Variants in SDK1 observed in about 807,000 individuals in gnomAD.
SDK1 encodes the protein sidekick cell adhesion molecule 1.
Under a neutral mutation model 245.5 loss-of-function variants are expected in SDK1, and 157 were observed. The observed-to-expected ratio is 0.64, with a 90% CI of 0.56 to 0.73. SDK1 has a LOEUF of 0.73. Ranked by LOEUF, SDK1 falls within the 30% of genes least tolerant of loss-of-function variation. The pLI is 0.00. For synonymous variants in SDK1, 1,647 were observed against 1,278.5 expected, an observed-to-expected ratio of 1.29 and a Z score of -6.15; for missense variants, 3,583 against 3,002.3, an observed-to-expected ratio of 1.19 and a Z score of -4.52.
intron 1 of SDK1, among the ~76,000 whole-genome samples, chr7:3,431,370 T>TA (rs1006689672): frequency 6.6e-6 from 1 of 151,024 alleles, no homozygotes; most frequent in East Asian, 1.9e-4. Flanking sequence ...TTTTTTTTTT[T>TA]TTTTTTTTTT....
At chr7:3,528,164 C>T (rs950342830) in intron 1 of SDK1, among the ~76,000 whole-genome samples, 3 of 109,346 alleles carry the variant, frequency 2.7e-5, no homozygotes, top group African/African-American at 7.2e-5. Context: ...GGATGACAGT[C>T]AGCTAGGGGG....
Position 4,140,414 on chromosome 7 carries a change from C to G in SDK1, c.4229-5308C>G, listed in dbSNP as rs552623898. Among the ~76,000 whole-genome samples, 622 of 152,292 alleles carry G rather than the reference C, an allele frequency of 4.1e-3. 6 individuals carry two copies. Among genetic ancestry groups the G allele is most frequent in the African/African-American group, 0.014 (602 of 41,554 alleles). On this transcript the variant is annotated intron_variant, in intron 28 of 44. Coordinates refer to ENST00000404826, the MANE Select transcript of SDK1 (RefSeq NM_152744.4). ...CTCTGGAGCTGGGCCCAAGTGGGAC[C>G]CCCGGCCCCACGATGAGGGGCTGTT...
At chr7:3,501,288 G>T (rs1782203564) in intron 1 of SDK1, among the ~76,000 whole-genome samples, 1 of 151,756 alleles carries the variant, frequency 6.6e-6, no homozygotes, top group African/African-American at 2.4e-5. Context: ...TCAGTTTTCT[G>T]CTTGGCTATT....
At chr7:3,540,643 A>C (rs965117045) in intron 1 of SDK1, among the ~76,000 whole-genome samples, 1 of 152,134 alleles carries the variant, frequency 6.6e-6, no homozygotes, top group Non-Finnish European at 1.5e-5. Context: ...ATGCAGGGAG[A>C]ATGCACATTC....
intron 4 of SDK1, among the ~76,000 whole-genome samples, chr7:3,691,129 TAC>T (rs1314965319): frequency 6.6e-6 from 1 of 152,240 alleles, no homozygotes; most frequent in Non-Finnish European, 1.5e-5. Flanking sequence ...TGTAGATAAT[TAC>T]ACCAATGTTT....
At chr7:3,325,941 C>T (rs893224180) in intron 1 of SDK1, among the ~76,000 whole-genome samples, 2 of 152,060 alleles carry the variant, frequency 1.3e-5, no homozygotes, top group African/African-American at 2.4e-5. Flanking sequence ...AACCATCTCG[C>T]TTGGTTGTAT....
Position 4,193,918 on chromosome 7 carries a change from A to C in SDK1, c.5099-11961A>C, listed in dbSNP as rs1212429160. Among the ~76,000 whole-genome samples, 3 of 151,844 alleles carry C rather than the reference A, an allele frequency of 2.0e-5. No homozygotes were observed. The East Asian group carries it at 5.8e-4, about 29-fold the overall frequency. On this transcript the variant is annotated intron_variant, in intron 35 of 44. Coordinates refer to ENST00000404826, the MANE Select transcript of SDK1 (RefSeq NM_152744.4). The stretch of plus-strand genomic sequence containing the variant: ...GAGGTATTATGTATAGAGTCCCTAA[A>C]CTCCTTGCCTCTCACGAGCGGTGAA...
intron 4 of SDK1, among the ~76,000 whole-genome samples, chr7:3,756,735 G>A (rs1337637858): frequency 2.0e-5 from 3 of 152,058 alleles, no homozygotes; most frequent in Non-Finnish European, 4.4e-5. Context: ...TGACCCTTTT[G>A]AAGAGTCCTC....
At chr7:4,002,756 A>G (rs1179777927) in intron 14 of SDK1, among the ~76,000 whole-genome samples, 2 of 152,210 alleles carry the variant, frequency 1.3e-5, no homozygotes, top group Non-Finnish European at 2.9e-5. Context: ...TGGTTGGGAG[A>G]TGGATATCTG....
intron 8 of SDK1, among the ~76,000 whole-genome samples, chr7:3,960,525 C>T (rs993899286): frequency 3.9e-5 from 6 of 152,244 alleles, no homozygotes; most frequent in South Asian, 2.1e-4. Context: ...TCCGGTGCAG[C>T]GGCGTGTCAC....
intron 1 of SDK1, among the ~76,000 whole-genome samples, chr7:3,545,519 T>C (rs887614354): frequency 6.6e-6 from 1 of 152,236 alleles, no homozygotes; most frequent in Non-Finnish European, 1.5e-5. Context: ...TATCTGCGTG[T>C]ATTTTCTTTT....
chr7:3,656,373 A>T (rs1313855018), intron 4 of SDK1, among the ~76,000 whole-genome samples: 1 of 152,190 alleles, frequency 6.6e-6, no homozygotes, highest in East Asian at 1.9e-4. Context: ...TATTAGTGTC[A>T]GTGCTACTCT....
Position 3,339,483 on chromosome 7 carries a change from C to T in SDK1, c.298+37599C>T, listed in dbSNP as rs556540056. 3.3e-5 allele frequency among the ~76,000 whole-genome samples: 5 copies of T among 152,192 alleles called. No homozygotes were observed. The East Asian group carries it at 5.8e-4, about 18-fold the overall frequency. ...AATTTACCCGAAACAATAGAATACC[C>T]TACTTTTTAAGTGCCCATGGGACAT... On this transcript the variant is annotated intron_variant, in intron 1 of 44. Coordinates refer to ENST00000404826, the MANE Select transcript of SDK1 (RefSeq NM_152744.4).
At chr7:3,492,139 G>T (rs1583943044) in intron 1 of SDK1, among the ~76,000 whole-genome samples, 1 of 152,350 alleles carries the variant, frequency 6.6e-6, no homozygotes, top group Non-Finnish European at 1.5e-5. Flanking sequence ...CACTTAGGAT[G>T]CTAGGGAACT....
At chr7:3,918,926 A>T (rs1779488018) in intron 5 of SDK1, among the ~76,000 whole-genome samples, 1 of 152,216 alleles carries the variant, frequency 6.6e-6, no homozygotes, top group Non-Finnish European at 1.5e-5. Flanking sequence ...ACTGCTTTTC[A>T]GATTGATGTG....
At chr7:4,009,546 C>T (rs1785771123) in intron 14 of SDK1, among the ~76,000 whole-genome samples, 1 of 152,234 alleles carries the variant, frequency 6.6e-6, no homozygotes, top group Non-Finnish European at 1.5e-5. Context: ...GAGGGGGATC[C>T]TCATCAGCTG....
At chr7:4,012,771 A>G (rs1786092262) in intron 16 of SDK1, among the ~76,000 whole-genome samples, 1 of 151,268 alleles carries the variant, frequency 6.6e-6, no homozygotes, top group Non-Finnish European at 1.5e-5. Context: ...ACAGGGTTTC[A>G]CCATGGTGAC....
At chr7:3,385,073 A>C (rs1333406467) in intron 1 of SDK1, among the ~76,000 whole-genome samples, 1 of 152,160 alleles carries the variant, frequency 6.6e-6, no homozygotes, top group Non-Finnish European at 1.5e-5. Flanking sequence ...TACTGTTTCA[A>C]TATTAAGTCT....
chr7:4,251,719 T>G lies in SDK1; in HGVS notation c.6381+5914T>G, dbSNP rs374172362. ...AACATTTTATCAATGAAAGGAACTTTTTACCAGTCAAGTTCCCAGATGCCA... is the reference window on the plus strand; with the variant it reads ...AACATTTTATCAATGAAAGGAACTTGTTACCAGTCAAGTTCCCAGATGCCA... On this transcript the variant is annotated intron_variant, in intron 44 of 44. Coordinates refer to ENST00000404826, the MANE Select transcript of SDK1 (RefSeq NM_152744.4). Among the ~76,000 whole-genome samples the G allele has an allele frequency of 9.2e-5, 14 of 152,332 alleles. No homozygotes were observed. The East Asian group carries it at 2.5e-3, about 27-fold the overall frequency.
Sources: gnomAD v4.1 joint callset for allele counts (sites outside exome capture counted in the v4.1 genomes callset) on GRCh38, gnomAD v4.1.1 for gene constraint, MANE v1.5 for transcripts, NCBI Gene and HGNC (gene_info 2026-07-23, HGNC 2026-07-21) for gene names.